Variants in GAB4 observed in about 807,000 individuals in gnomAD.
The protein encoded by GAB4 is GRB2 associated binding protein family member 4.
In GAB4, 26 loss-of-function variants were observed where a neutral mutation model predicts 51.3. That is an observed-to-expected ratio of 0.51 (90% CI 0.37 to 0.70). GAB4 has a LOEUF of 0.70. GAB4 is among the 30% of genes least tolerant of loss of function. The probability of loss-of-function intolerance (pLI) is 0.00; values close to 1 mark genes in which losing one functional copy is unlikely to be tolerated. For synonymous variants in GAB4, 329 were observed against 291.2 expected, an observed-to-expected ratio of 1.13 and a Z score of -1.32; for missense variants, 759 against 734.6, an observed-to-expected ratio of 1.03 and a Z score of -0.38.
At chr22:16,963,153 C>A (rs541436034) in intron 9 of GAB4, among the ~76,000 whole-genome samples, 222 of 152,316 alleles carry the variant, frequency 1.5e-3, no homozygotes, top group African/African-American at 4.7e-3. Flanking sequence ...GCCTTCCCCT[C>A]TAAACACTCA....
At chr22:17,000,231 G>A (rs2060986613) in intron 1 of GAB4, among the ~76,000 whole-genome samples, 1 of 152,182 alleles carries the variant, frequency 6.6e-6, no homozygotes, top group South Asian at 2.1e-4. Flanking sequence ...GTCTAATGTT[G>A]ACAGTGGGGT....
rs556110776 is a variant in GAB4, at chr22:16,992,057, G to A, written c.294C>T (p.Leu98=). 2.5e-6 allele frequency: 4 copies of A among 1,614,228 alleles called. No individual in the cohort carries two copies. Among genetic ancestry groups the A allele is most frequent in the Admixed American group, 3.3e-5 (2 of 60,030 alleles). Residue 98 remains leucine (L), a synonymous_variant, in exon 2 of 10, where the codon CTC becomes CTT. Transcript: ENST00000400588. ...KKPLRTINLN[L]CEQLDVDVTL... ...TCACATCAACATCCAGCTGCTCACA[G>A]AGGTTCAGGTTGATGGTGCGCAGGG...
At chr22:17,004,581 G>A (rs1037403055) in intron 1 of GAB4, among the ~76,000 whole-genome samples, 3 of 152,122 alleles carry the variant, frequency 2.0e-5, no homozygotes, top group Non-Finnish European at 4.4e-5. Context: ...AAAACCACAT[G>A]ATTATCTCAA....
intron 3 of GAB4, among the ~76,000 whole-genome samples, chr22:16,987,424 A>C (rs541976196): frequency 6.6e-6 from 1 of 152,354 alleles, no homozygotes; most frequent in South Asian, 2.1e-4. Context: ...CATGCTACCT[A>C]TCTTTGCTAG....
At chr22:16,973,293 G>C (rs1253580876) in intron 3 of GAB4, among the ~76,000 whole-genome samples, 2 of 152,156 alleles carry the variant, frequency 1.3e-5, no homozygotes, top group Non-Finnish European at 2.9e-5. Context: ...TCAGCACCCA[G>C]GTTAGTGCTT....
intron 1 of GAB4, among the ~76,000 whole-genome samples, chr22:16,999,057 C>T (rs11704513): frequency 1.3e-5 from 2 of 152,130 alleles, no homozygotes; most frequent in African/African-American, 2.4e-5. Context: ...TTTTATTGAG[C>T]ATTTTTGCAT....
intron 3 of GAB4, among the ~76,000 whole-genome samples, chr22:16,977,249 C>G (rs187614512): frequency 6.6e-6 from 1 of 151,902 alleles, no homozygotes; most frequent in Admixed American, 6.6e-5. Context: ...GAGTCAAGAC[C>G]CATCGGTGTG....
At chr22:16,972,486 G>A (rs559818545) in intron 3 of GAB4, among the ~76,000 whole-genome samples, 2 of 152,336 alleles carry the variant, frequency 1.3e-5, no homozygotes. Flanking sequence ...GGAGGGGCCA[G>A]GCCAGCACTG....
intron 1 of GAB4, 89 bp downstream of exon 1, chr22:17,007,852 C>G (rs2061054279): frequency 7.8e-7 from 1 of 1,280,206 alleles, no homozygotes; most frequent in African/African-American, 1.5e-5. Context: ...CAGCTCCTCC[C>G]GTGGACCCAG....
At chr22:16,989,542 C>A (rs1185196110) in intron 2 of GAB4, among the ~76,000 whole-genome samples, 2 of 152,230 alleles carry the variant, frequency 1.3e-5, no homozygotes, top group Non-Finnish European at 2.9e-5. Flanking sequence ...ATGTGCACTC[C>A]AAGATGAGCT....
intron 3 of GAB4, among the ~76,000 whole-genome samples, chr22:16,974,791 C>T (rs114249448): frequency 0.019 from 2,851 of 152,234 alleles, 86 homozygotes; most frequent in African/African-American, 0.065. Flanking sequence ...GGGTGATTTC[C>T]GCATTTCCAA....
intron 6 of GAB4, 112 bp downstream of exon 6, chr22:16,965,988 G>A: frequency 1.0e-6 from 1 of 954,480 alleles, no homozygotes; most frequent in Non-Finnish European, 1.6e-6. Flanking sequence ...GAGGCTCAGA[G>A]AATTCACATG....
At chr22:17,004,147 C>T (rs886123541) in intron 1 of GAB4, among the ~76,000 whole-genome samples, 1 of 152,124 alleles carries the variant, frequency 6.6e-6, no homozygotes, top group African/African-American at 2.4e-5. Context: ...TCTGAATAAA[C>T]CAATAATAAA....
chr22:16,987,958 AC>A lies in GAB4; in HGVS notation c.686+1del, dbSNP rs1569104237. On this transcript the variant is annotated splice_donor_variant, in intron 3 of 9. Transcript: ENST00000400588. LOFTEE classifies it high-confidence loss of function. The stretch of plus-strand genomic sequence containing the variant: ...CCCCCACTGGCCATAGTAGCCCCCT[AC>A]CTTGCATGTTCTGCTCTCTGGCTGG... The A allele has an allele frequency of 1.3e-6, 2 of 1,593,536 alleles. No homozygotes were observed. The highest frequency in any genetic ancestry group is 3.6e-5 in the Admixed American group (2 of 55,904).
chr22:16,988,721 T>C (rs2060889477), intron 2 of GAB4, among the ~76,000 whole-genome samples: 1 of 152,186 alleles, frequency 6.6e-6, no homozygotes, highest in Non-Finnish European at 1.5e-5. Flanking sequence ...TCATCTGGCT[T>C]GCTCTCCAGG....
At chr22:16,996,516 A>G (rs1247828449) in intron 1 of GAB4, among the ~76,000 whole-genome samples, 6 of 152,116 alleles carry the variant, frequency 3.9e-5, no homozygotes. Context: ...TCAGATTGAC[A>G]AAGGTTGAAA....
rs189267678 is a variant in GAB4 at position 17,000,706 on chromosome 22, G to A, written c.174+7235C>T. 4.1e-3 allele frequency among the ~76,000 whole-genome samples: 629 copies of A among 152,262 alleles called. 6 individuals carry two copies. The highest frequency in any genetic ancestry group is 0.014 in the African/African-American group (575 of 41,536). Reference sequence around the variant, plus strand: ...ATGATGTTAGCTGGTTATTTTGCTCGTTAGTTGATGCAGTTTCTTCCTAGC... The same window carrying A: ...ATGATGTTAGCTGGTTATTTTGCTCATTAGTTGATGCAGTTTCTTCCTAGC... On this transcript the variant is annotated intron_variant, in intron 1 of 9. Transcript: ENST00000400588.
At chr22:16,996,202 G>C (rs1327576531) in intron 1 of GAB4, among the ~76,000 whole-genome samples, 2 of 151,300 alleles carry the variant, frequency 1.3e-5, no homozygotes, top group African/African-American at 4.9e-5. Context: ...CAGAAGACAG[G>C]ATATCAGAGA....
intron 1 of GAB4, among the ~76,000 whole-genome samples, chr22:17,004,387 T>A (rs2123729721): frequency 6.6e-6 from 1 of 152,260 alleles, no homozygotes; most frequent in South Asian, 2.1e-4. Flanking sequence ...AAATAAAATT[T>A]CAGGCCAATA....
Sources: allele counts gnomAD v4.1 joint callset (sites outside exome capture counted in the v4.1 genomes callset), GRCh38; gene constraint gnomAD v4.1.1; transcripts MANE v1.5; gene names NCBI Gene and HGNC (gene_info 2026-07-23, HGNC 2026-07-21).